TMEFF2: variants seen among roughly 807,000 people sequenced by gnomAD.
The protein encoded by TMEFF2 is transmembrane protein with EGF like and two follistatin like domains 2, also known as tomoregulin-2.
Under a neutral mutation model 53.8 loss-of-function variants are expected in TMEFF2, and 28 were observed. The ratio of observed to expected loss-of-function variants is 0.52; its 90% confidence interval spans 0.39 to 0.71. TMEFF2 has a LOEUF of 0.71. TMEFF2 is among the 30% of genes least tolerant of loss of function. The pLI is 0.00. For synonymous variants in TMEFF2, 162 were observed against 166.3 expected (o/e 0.97, Z 0.20); for missense variants, 353 against 455.2 (o/e 0.78, Z 2.04).
chr2:191,965,484 T>A (rs917614723), intron 7 of TMEFF2, among the ~76,000 whole-genome samples: 21 of 152,106 alleles, frequency 1.4e-4, no homozygotes, highest in African/African-American at 5.1e-4. Flanking sequence ...TAGGCCAGAG[T>A]GATCTTTCTA....
intron 8 of TMEFF2, among the ~76,000 whole-genome samples, chr2:191,954,282 A>G (rs1342134623): frequency 6.6e-6 from 1 of 151,918 alleles, no homozygotes; most frequent in African/African-American, 2.4e-5. Context: ...CTTTGTGGCT[A>G]TGGCTCTCAA....
chr2:192,108,750 T>A (rs1559129814), intron 4 of TMEFF2, among the ~76,000 whole-genome samples: 1 of 152,036 alleles, frequency 6.6e-6, no homozygotes, highest in Non-Finnish European at 1.5e-5. Flanking sequence ...TGTACGCCAA[T>A]ATTCACAGCA....
intron 7 of TMEFF2, among the ~76,000 whole-genome samples, chr2:191,957,097 G>T (rs1226844371): frequency 6.6e-6 from 1 of 152,114 alleles, no homozygotes; most frequent in Non-Finnish European, 1.5e-5. Flanking sequence ...GAATAAACGT[G>T]GATTCTAAAG....
intron 5 of TMEFF2, among the ~76,000 whole-genome samples, chr2:192,049,151 C>CTG (rs35695147): frequency 2.4e-4 from 27 of 114,098 alleles, no homozygotes; most frequent in East Asian, 2.1e-3. Flanking sequence ...TACATTTGGT[C>CTG]TATGTGTGTG....
At chr2:191,984,082 A>G (rs1383977261) in intron 7 of TMEFF2, among the ~76,000 whole-genome samples, 1 of 152,142 alleles carries the variant, frequency 6.6e-6, no homozygotes, top group Non-Finnish European at 1.5e-5. Flanking sequence ...AAGGTAATAT[A>G]AGCTATGGAG....
At chr2:192,045,023 T>A (rs1687581138) in intron 5 of TMEFF2, among the ~76,000 whole-genome samples, 1 of 152,160 alleles carries the variant, frequency 6.6e-6, no homozygotes, top group African/African-American at 2.4e-5. Flanking sequence ...GGCCTAATTG[T>A]CATGGCACCC....
At chr2:192,093,695 G>C (rs1688842138) in intron 4 of TMEFF2, among the ~76,000 whole-genome samples, 1 of 151,962 alleles carries the variant, frequency 6.6e-6, no homozygotes, top group Non-Finnish European at 1.5e-5. Flanking sequence ...GTAGACCCCG[G>C]CCCAATCAGA....
At chr2:192,113,760 TGA>T (rs1441437992) in intron 4 of TMEFF2, among the ~76,000 whole-genome samples, 1 of 152,144 alleles carries the variant, frequency 6.6e-6, no homozygotes, top group Non-Finnish European at 1.5e-5. Flanking sequence ...CAAAAGCAGG[TGA>T]GAGTAATAGT....
chr2:192,018,332 TC>T (rs1329362032), intron 5 of TMEFF2, among the ~76,000 whole-genome samples: 5 of 152,240 alleles, frequency 3.3e-5, no homozygotes, highest in Admixed American at 3.3e-4. Flanking sequence ...CTTCAACGTT[TC>T]CTCTTTGCTT....
intron 7 of TMEFF2, among the ~76,000 whole-genome samples, chr2:191,995,614 T>C (rs909312931): frequency 1.3e-5 from 2 of 152,050 alleles, no homozygotes; most frequent in Non-Finnish European, 2.9e-5. Context: ...CAGTTTGTGT[T>C]CCCAAATTCA....
intron 4 of TMEFF2, among the ~76,000 whole-genome samples, chr2:192,092,227 A>G (rs905357970): frequency 6.6e-6 from 1 of 152,162 alleles, no homozygotes; most frequent in African/African-American, 2.4e-5. Flanking sequence ...TTTTCACAAT[A>G]AAGTTTTATA....
intron 5 of TMEFF2, among the ~76,000 whole-genome samples, chr2:192,004,086 C>A (rs772174417): frequency 3.3e-5 from 5 of 152,106 alleles, no homozygotes; most frequent in Non-Finnish European, 7.4e-5. Flanking sequence ...TTACAAACAT[C>A]TTCAATAAAT....
intron 5 of TMEFF2, chr2:192,035,305 A>AG (rs1332875006): frequency 2.0e-5 from 3 of 152,250 alleles, no homozygotes; most frequent in African/African-American, 7.2e-5. Flanking sequence ...TCAAACATTC[A>AG]GCCACAGGTC....
intron 3 of TMEFF2, among the ~76,000 whole-genome samples, chr2:192,180,376 AATTGGT>A (rs1691155600): frequency 6.6e-6 from 1 of 151,486 alleles, no homozygotes; most frequent in African/African-American, 2.4e-5. Context: ...CTTTAATTAC[AATTGGT>A]CAAAGTTGTC....
At chr2:191,980,995 A>G (rs1003364043) in intron 7 of TMEFF2, among the ~76,000 whole-genome samples, 3 of 151,724 alleles carry the variant, frequency 2.0e-5, no homozygotes, top group African/African-American at 7.3e-5. Flanking sequence ...CTCATTCTTC[A>G]TTGTTATGAC....
At chr2:192,097,544 GAGAA>G (rs995628623) in intron 4 of TMEFF2, among the ~76,000 whole-genome samples, 2 of 152,142 alleles carry the variant, frequency 1.3e-5, no homozygotes, top group East Asian at 1.9e-4. Flanking sequence ...TCTTCTCTCA[GAGAA>G]AGAATTATTT....
chr2:192,156,651 A>C (rs1463545317), intron 4 of TMEFF2, among the ~76,000 whole-genome samples: 2 of 152,104 alleles, frequency 1.3e-5, no homozygotes, highest in African/African-American at 4.8e-5. Flanking sequence ...ATATGCCAGA[A>C]ATATGTAGGC....
At chr2:192,163,570 A>G (rs1401851542) in intron 4 of TMEFF2, among the ~76,000 whole-genome samples, 1 of 152,242 alleles carries the variant, frequency 6.6e-6, no homozygotes, top group Non-Finnish European at 1.5e-5. Flanking sequence ...TTAAAAGGTA[A>G]GTGAAAAACA....
At chr2:192,070,028 A>ACG (rs1688259086) in intron 4 of TMEFF2, among the ~76,000 whole-genome samples, 1 of 124,002 alleles carries the variant, frequency 8.1e-6, no homozygotes, top group African/African-American at 3.2e-5. Flanking sequence ...ATATATATAT[A>ACG]TATATATATA....
Sources: gnomAD v4.1 joint callset for allele counts (sites outside exome capture counted in the v4.1 genomes callset) on GRCh38, gnomAD v4.1.1 for gene constraint, MANE v1.5 for transcripts, NCBI Gene and HGNC (gene_info 2026-07-23, HGNC 2026-07-21) for gene names.